The following SGO2 variants were observed in gnomAD, a reference collection of about 807,000 sequenced individuals.
SGO2 encodes shugoshin 2, also known as shugoshin-like 2.
A neutral mutation model predicts 99.5 loss-of-function variants in SGO2; 68 were observed. The observed-to-expected ratio is 0.68, with a 90% CI of 0.56 to 0.84. SGO2 has a LOEUF of 0.84. Among genes scored for constraint, SGO2 ranks in the 40% least tolerant of loss-of-function variants. SGO2 has a pLI of 0.00. For missense variants in SGO2, 1,350 were observed against 1,436.7 expected (o/e 0.94, Z 0.97); for synonymous variants, 457 against 487.1 (o/e 0.94, Z 0.81).
At chr2:200,575,202 C>G in intron 7 of SGO2, 109 bp from the exon 8 acceptor site, 1 of 545,530 alleles carries the variant, frequency 1.8e-6, no homozygotes. Context: ...AAAATTGAAT[C>G]AAGATTTAAA....
chr2:200,568,280 C>T (rs1214933846), intron 5 of SGO2, among the ~76,000 whole-genome samples: 3 of 152,182 alleles, frequency 2.0e-5, no homozygotes, highest in Admixed American at 6.5e-5. Flanking sequence ...TTTTGATTAT[C>T]TTTTCCATGT....
At chr2:200,532,387 G>A in intron 1 of SGO2, 1 of 982,542 alleles carries the variant, frequency 1.0e-6, no homozygotes, top group African/African-American at 1.8e-5. Flanking sequence ...ATCAACTGCT[G>A]CTTCTCAGTG....
intron 1 of SGO2, among the ~76,000 whole-genome samples, chr2:200,531,089 A>G (rs1348297247): frequency 6.6e-6 from 1 of 152,162 alleles, no homozygotes; most frequent in Non-Finnish European, 1.5e-5. Context: ...TCGGGAAAGA[A>G]TTGTTGGAGT....
intron 1 of SGO2, 22 bp from the exon 2 acceptor site, chr2:200,532,952 A>ATTTTTTTTT (rs559390207): frequency 3.2e-6 from 5 of 1,550,544 alleles, no homozygotes; most frequent in East Asian, 2.3e-5. Flanking sequence ...CAATACTATG[A>ATTTTTTTTT]TTTTTTTTTC....
Position 200,535,162 on chromosome 2 carries a change from A to G in SGO2, c.300A>G (p.Leu100=). The change falls in exon 3 of 9, where the codon CTA becomes CTG. Residue 100 remains leucine (L), a synonymous_variant. Transcript: ENST00000357799. The part of the protein sequence containing the change: ...NFENTFLRLK[L]NNLNKKLIDI... ...AGAACACATTTCTTCGCCTAAAGCT[A>G]AATAACTTGGTATGTAAGCTATATT... is the stretch of plus-strand genomic sequence containing the variant. 6.6e-7 allele frequency: 1 copy of G among 1,522,918 alleles called. No individual in the cohort carries two copies. The allele number at this position is 1,522,918 out of a possible 1,614,324, so 94.3% of individuals were successfully genotyped here.
chr2:200,532,272 GTTTTTTTTTTTGTTT>G (rs1199964337), intron 1 of SGO2: 8 of 187,680 alleles, frequency 4.3e-5, no homozygotes, highest in East Asian at 2.3e-4. Flanking sequence ...AGAGTTTTTT[GTTTTTTTTTTTGTTT>G]TTTTTTTTTT....
intron 5 of SGO2, among the ~76,000 whole-genome samples, chr2:200,561,767 G>C (rs1384828752): frequency 1.3e-5 from 2 of 152,040 alleles, no homozygotes; most frequent in Non-Finnish European, 2.9e-5. Context: ...GGTGTGAGAT[G>C]GTATCTCATT....
rs2033458600 is a variant in SGO2 at position 200,572,289 on chromosome 2, T to C, written c.1943T>C (p.Phe648Ser). The change falls in exon 7 of 9, where the codon TTC (phenylalanine) becomes TCC (serine). Residue 648 changes from phenylalanine to serine, a missense_variant. Phe to Ser is a radical substitution (Grantham distance 155, BLOSUM62 -2). Coordinates refer to ENST00000357799, the MANE Select transcript of SGO2 (RefSeq NM_152524.6). ...VHGLKKGNFFFKTQEDKEPIS... is the reference protein window; with the variant it reads ...VHGLKKGNFFSKTQEDKEPIS... ...GGCCTAAAAAAAGGTAATTTTTTTT[T>C]CAAAACCCAAGAGGATAAAGAACCT... 1.2e-6 allele frequency: 2 copies of C among 1,610,338 alleles called. No individual in the cohort carries two copies. The highest frequency in any genetic ancestry group is 1.3e-5 in the African/African-American group (1 of 74,624).
At chr2:200,578,175 T>TATAGATATAGATATAGATATAG (rs2033726832) in intron 8 of SGO2, among the ~76,000 whole-genome samples, 1 of 152,086 alleles carries the variant, frequency 6.6e-6, no homozygotes, top group African/African-American at 2.4e-5. Context: ...TAGATATAGA[T>TATAGATATAGATATAGATATAG]ATAGATATAT....
intron 3 of SGO2, among the ~76,000 whole-genome samples, 163 bp from the exon 4 acceptor site, chr2:200,535,902 A>G (rs1349197487): frequency 6.6e-6 from 1 of 152,104 alleles, no homozygotes. Context: ...ATTTGGTACT[A>G]TATAATATAC....
At chr2:200,578,987 A>G (rs1003939751) in intron 8 of SGO2, among the ~76,000 whole-genome samples, 1 of 152,074 alleles carries the variant, frequency 6.6e-6, no homozygotes, top group African/African-American at 2.4e-5. Context: ...GTATTGTAGG[A>G]TGTTTAGCTG....
chr2:200,535,222 G>A, intron 3 of SGO2, 51 bp downstream of exon 3: 2 of 1,367,984 alleles, frequency 1.5e-6, no homozygotes, highest in South Asian at 3.6e-5. Context: ...AAATCTTTTA[G>A]CTGCATTATT....
chr2:200,565,616 T>C (rs538888675), intron 5 of SGO2, among the ~76,000 whole-genome samples: 1 of 152,346 alleles, frequency 6.6e-6, no homozygotes, highest in African/African-American at 2.4e-5. Flanking sequence ...CCTGCCTTGC[T>C]AGGCTGGGGA....
At position 200,563,074 on chromosome 2, in the gene SGO2, T is replaced by G. The variant is rs372758391; in HGVS notation, c.474-6589T>G. Reference sequence around the variant, plus strand: ...ATTTGTTTCTCCTGCCTGATTGCCCTGGCCAGAACTTCCAACACTATGTTG... The same window carrying G: ...ATTTGTTTCTCCTGCCTGATTGCCCGGGCCAGAACTTCCAACACTATGTTG... On this transcript the variant is annotated intron_variant, in intron 5 of 8. Coordinates refer to ENST00000357799, the MANE Select transcript of SGO2 (RefSeq NM_152524.6). Among the ~76,000 whole-genome samples, 434 of 152,334 alleles carry G rather than the reference T, an allele frequency of 2.8e-3. 2 individuals carry two copies. The highest frequency in any genetic ancestry group is 0.01 in the Middle Eastern group (3 of 294).
intron 5 of SGO2, among the ~76,000 whole-genome samples, chr2:200,558,805 C>CTT (rs1176594661): frequency 0.013 from 1,627 of 128,502 alleles, 42 homozygotes; most frequent in African/African-American, 0.043. Flanking sequence ...GGTAACATCT[C>CTT]TTTTTTTTTT....
At chr2:200,555,913 CCT>C (rs2032692498) in intron 5 of SGO2, among the ~76,000 whole-genome samples, 3 of 152,296 alleles carry the variant, frequency 2.0e-5, no homozygotes, top group Admixed American at 6.5e-5. Context: ...TGTGGTGCCT[CCT>C]CTGTTTTCCC....
rs1276424005 is a variant in SGO2, at chr2:200,542,610, G to T, written c.419G>T (p.Ser140Ile). Residue 140 changes from serine to isoleucine, a missense_variant, in exon 5 of 9, where the codon AGC becomes ATC. Physicochemically the swap from Ser to Ile is moderately radical, Grantham distance 142. Coordinates refer to ENST00000357799, the MANE Select transcript of SGO2 (RefSeq NM_152524.6). ...FHQSSFLLSA[S>I]KKKRISKQCK... ...CAGAGTTCCTTTCTACTGTCAGCTAGCAAGAAGAAACGAATTAGTAAACAG... is the reference window on the plus strand; with the variant it reads ...CAGAGTTCCTTTCTACTGTCAGCTATCAAGAAGAAACGAATTAGTAAACAG... 1 of 1,612,678 alleles carries T rather than the reference G, an allele frequency of 6.2e-7. No individual in the cohort carries two copies. Among genetic ancestry groups the T allele is most frequent in the Non-Finnish European group, 8.5e-7 (1 of 1,179,438 alleles).
At position 200,573,831 on chromosome 2, in the gene SGO2, T is replaced by A. The variant is rs1339039031; in HGVS notation, c.3485T>A (p.Leu1162Ter). The A allele has an allele frequency of 6.2e-7, 1 of 1,613,286 alleles. No individual in the cohort carries two copies. The highest frequency in any genetic ancestry group is 8.5e-7 in the Non-Finnish European group (1 of 1,179,468). Reference protein sequence around the residue: ...FDSVREGLVPLSVSSGKNVII... With the variant: ...FDSVREGLVP ...AGTGTTCGTGAAGGTTTAGTACCTT[T>A]GAGCGTTTCTTCTGGTAAAAATGTG... Residue 1162 changes from leucine to a stop codon, truncating the protein, a stop_gained, in exon 7 of 9, where the codon TTG becomes TAG. Transcript: ENST00000357799. LOFTEE classifies it high-confidence loss of function.
chr2:200,542,789 AGCTG>A lies in SGO2; in HGVS notation c.473+127_473+130del, dbSNP rs1402974999. The A allele has an allele frequency of 2.6e-5, 20 of 781,384 alleles. No homozygotes were observed. The African/African-American group carries it at 3.1e-4, about 12-fold the overall frequency. 48.4% of individuals were successfully genotyped at this position (781,384 alleles called of 1,614,324 possible). ...GTAGTTATCTACTAACGTAGAAATG[AGCTG>A]GTTTGTAGTGTCTTGCTATAGGTTG... On this transcript the variant is annotated intron_variant, in intron 5 of 8. Coordinates refer to ENST00000357799, the MANE Select transcript of SGO2 (RefSeq NM_152524.6).
Sources: gnomAD v4.1 joint callset for allele counts (sites outside exome capture counted in the v4.1 genomes callset) on GRCh38, gnomAD v4.1.1 for gene constraint, MANE v1.5 for transcripts, NCBI Gene and HGNC (gene_info 2026-07-23, HGNC 2026-07-21) for gene names.